The following PDE3B variants were observed in gnomAD, a reference collection of about 807,000 sequenced individuals.
PDE3B encodes the protein phosphodiesterase 3B.
PDE3B carries 66 observed loss-of-function variants against 116.8 expected under a neutral mutation model. The observed-to-expected ratio is 0.56, with a 90% confidence interval of 0.46 to 0.69. The LOEUF (loss-of-function observed/expected upper bound fraction) is 0.69, where lower values mean the gene tolerates loss of function less well. Ranked by LOEUF, PDE3B falls within the 30% of genes least tolerant of loss-of-function variation. The probability of loss-of-function intolerance (pLI) is 0.00; values close to 1 mark genes in which losing one functional copy is unlikely to be tolerated. For synonymous variants in PDE3B, 595 were observed against 533.6 expected (o/e 1.12, Z -1.59); for missense variants, 1,384 against 1,368.1 (o/e 1.01, Z -0.18).
chr11:14,842,453 T>TCA (rs779152498), intron 11 of PDE3B, among the ~76,000 whole-genome samples: 71 of 152,156 alleles, frequency 4.7e-4, no homozygotes, highest in Non-Finnish European at 7.1e-4. Context: ...AGAATGTGTA[T>TCA]CACATAGGAA....
chr11:14,716,078 C>T (rs1457971161), intron 1 of PDE3B, among the ~76,000 whole-genome samples: 2 of 151,940 alleles, frequency 1.3e-5, no homozygotes, highest in African/African-American at 2.4e-5. Flanking sequence ...GTGCGCGAGC[C>T]GAAGCAGGGC....
Position 14,869,618 on chromosome 11 carries a change from AG to A in PDE3B, c.3298del (p.Asp1100MetfsTer5). ...TGGAGAATTCCTCCTTACCTCAAGC[AG>A]ATGAGATTCAGGTAATTGAAGAGGC... is the stretch of plus-strand genomic sequence containing the variant. The part of the protein sequence containing the change: ...QVENSSLPQA[D>X]EIQVIEEADE... On this transcript the variant is annotated frameshift_variant, in exon 16 of 16. Transcript: ENST00000282096. LOFTEE classifies it high-confidence loss of function. 6.2e-7 allele frequency: 1 copy of A among 1,614,016 alleles called. No individual in the cohort carries two copies.
At chr11:14,706,597 G>C (rs1855542319) in intron 1 of PDE3B, among the ~76,000 whole-genome samples, 1 of 151,798 alleles carries the variant, frequency 6.6e-6, no homozygotes, top group South Asian at 2.1e-4. Flanking sequence ...ATCTGACCTT[G>C]GCTATTTTAA....
Position 14,869,625 on chromosome 11 carries a change from A to T in PDE3B, c.3304A>T (p.Ile1102Phe), listed in dbSNP as rs372862750. The T allele has an allele frequency of 6.8e-6, 11 of 1,613,776 alleles. No individual in the cohort carries two copies. In the African/African-American group the frequency reaches 1.3e-4, roughly 20 times the overall value. Residue 1102 changes from isoleucine (I) to phenylalanine (F), a missense_variant, in exon 16 of 16, where the codon ATT becomes TTT. Physicochemically the swap from Ile to Phe is conservative, Grantham distance 21. Transcript: ENST00000282096. ...TTCCTCCTTACCTCAAGCAGATGAG[A>T]TTCAGGTAATTGAAGAGGCAGATGA... ...ENSSLPQADE[I>F]QVIEEADEEE
chr11:14,796,585 A>G (rs1858561738), intron 4 of PDE3B, among the ~76,000 whole-genome samples: 2 of 152,194 alleles, frequency 1.3e-5, no homozygotes, highest in South Asian at 4.1e-4. Context: ...ATGGTATCTC[A>G]TTGTGGTTTT....
chr11:14,747,214 T>C (rs1856933049), intron 1 of PDE3B, among the ~76,000 whole-genome samples: 1 of 152,184 alleles, frequency 6.6e-6, no homozygotes, highest in Non-Finnish European at 1.5e-5. Context: ...AGCCCCATGA[T>C]CTAGTCACCT....
intron 1 of PDE3B, chr11:14,699,402 A>G (rs928897518): frequency 4.0e-5 from 6 of 151,880 alleles, no homozygotes; most frequent in African/African-American, 1.2e-4. Context: ...AAGTCCAAAC[A>G]TTATTACTTT....
At chr11:14,844,982 C>T (rs1296125789) in intron 12 of PDE3B, among the ~76,000 whole-genome samples, 1 of 152,194 alleles carries the variant, frequency 6.6e-6, no homozygotes, top group East Asian at 1.9e-4. Flanking sequence ...TTGAAGAGAG[C>T]AGTGGTTCTC....
At chr11:14,705,792 T>C (rs1207625660) in intron 1 of PDE3B, among the ~76,000 whole-genome samples, 2 of 151,812 alleles carry the variant, frequency 1.3e-5, no homozygotes, top group African/African-American at 4.8e-5. Flanking sequence ...TCTTAGCTCA[T>C]TTACAAATAA....
chr11:14,688,117 C>T (rs1337066370), intron 1 of PDE3B, among the ~76,000 whole-genome samples: 6 of 111,958 alleles, frequency 5.4e-5, no homozygotes, highest in African/African-American at 1.8e-4. Context: ...CTCTCTTTCT[C>T]TCTCTCTCTC....
At chr11:14,668,926 C>T (rs1239707127) in intron 1 of PDE3B, among the ~76,000 whole-genome samples, 1 of 152,150 alleles carries the variant, frequency 6.6e-6, no homozygotes, top group Non-Finnish European at 1.5e-5. Context: ...CTGTTGCCTT[C>T]CATTCTTGCA....
chr11:14,793,671 A>T (rs1392728111), intron 4 of PDE3B, among the ~76,000 whole-genome samples: 1 of 152,170 alleles, frequency 6.6e-6, no homozygotes, highest in Non-Finnish European at 1.5e-5. Flanking sequence ...GGAAAAAAAT[A>T]GGCAAGTTGT....
At chr11:14,868,999 C>T (rs193117045) in intron 15 of PDE3B, among the ~76,000 whole-genome samples, 15 of 150,960 alleles carry the variant, frequency 9.9e-5, no homozygotes, top group Admixed American at 2.6e-4. Flanking sequence ...CCAGCCTGGG[C>T]GACAGAGCAA....
At chr11:14,858,990 T>A (rs1224351336) in intron 12 of PDE3B, 53 bp from the exon 13 acceptor site, 1 of 1,277,182 alleles carries the variant, frequency 7.8e-7, no homozygotes, top group Non-Finnish European at 1.1e-6. Context: ...TTAAAGATAT[T>A]AAACTTTAAT....
intron 11 of PDE3B, among the ~76,000 whole-genome samples, chr11:14,839,510 T>C (rs1860157509): frequency 1.3e-5 from 2 of 152,358 alleles, no homozygotes; most frequent in Middle Eastern, 3.4e-3. Flanking sequence ...TGTAATCAGG[T>C]GGTTACTCTA....
chr11:14,692,969 G>C (rs1267766362), intron 1 of PDE3B, among the ~76,000 whole-genome samples: 2 of 152,132 alleles, frequency 1.3e-5, no homozygotes, highest in Non-Finnish European at 2.9e-5. Flanking sequence ...TGAATGCAAA[G>C]GAAAAGTTCT....
intron 12 of PDE3B, among the ~76,000 whole-genome samples, chr11:14,845,436 C>T (rs1157534376): frequency 2.0e-5 from 3 of 152,276 alleles, no homozygotes; most frequent in African/African-American, 7.2e-5. Flanking sequence ...GAACGCCTCT[C>T]CTCCTCCAAA....
intron 1 of PDE3B, among the ~76,000 whole-genome samples, chr11:14,651,860 T>C (rs1468045065): frequency 1.3e-5 from 2 of 152,228 alleles, no homozygotes; most frequent in African/African-American, 4.8e-5. Flanking sequence ...TTTGTTAGTT[T>C]ATGCATCTTG....
rs146767160 is a variant in PDE3B at position 14,729,718 on chromosome 11, A to G, written c.979-42219A>G. Among the ~76,000 whole-genome samples, 689 of 152,302 alleles carry G rather than the reference A, an allele frequency of 4.5e-3. 3 individuals are homozygous for G. Among genetic ancestry groups the G allele is most frequent in the African/African-American group, 0.015 (612 of 41,552 alleles). Reference sequence around the variant, plus strand: ...ATTACATAAAGTATGATTAATCTCTATGTGCAAGTATATAAACAAATTTTG... The same window carrying G: ...ATTACATAAAGTATGATTAATCTCTGTGTGCAAGTATATAAACAAATTTTG... On this transcript the variant is annotated intron_variant, in intron 1 of 15. Coordinates refer to ENST00000282096, the MANE Select transcript of PDE3B (RefSeq NM_000922.4).
Sources: gnomAD v4.1 joint callset for allele counts (sites outside exome capture counted in the v4.1 genomes callset) on GRCh38, gnomAD v4.1.1 for gene constraint, MANE v1.5 for transcripts, NCBI Gene and HGNC (gene_info 2026-07-23, HGNC 2026-07-21) for gene names.